SMYD3: variants seen among roughly 807,000 people sequenced by gnomAD.
SMYD3 encodes the protein histone-lysine N-methyltransferase SMYD3.
A neutral mutation model predicts 57.7 loss-of-function variants in SMYD3; 36 were observed. That is an observed-to-expected ratio of 0.62 (90% CI 0.48 to 0.82). The LOEUF (loss-of-function observed/expected upper bound fraction) is 0.82, where lower values mean the gene tolerates loss of function less well. Ranked by LOEUF, SMYD3 falls within the 40% of genes least tolerant of loss-of-function variation. The pLI is 0.00. For missense variants in SMYD3, 515 were observed against 538.8 expected, an observed-to-expected ratio of 0.96 and a Z score of 0.44; for synonymous variants, 211 against 195.0, an observed-to-expected ratio of 1.08 and a Z score of -0.68.
At chr1:245,770,150 G>T (rs1175932660) in intron 10 of SMYD3, among the ~76,000 whole-genome samples, 3 of 152,244 alleles carry the variant, frequency 2.0e-5, no homozygotes. Context: ...GTATTTTTAA[G>T]AATCTGTTTG....
chr1:246,254,912 T>C (rs2063857126), intron 5 of SMYD3, among the ~76,000 whole-genome samples: 1 of 152,194 alleles, frequency 6.6e-6, no homozygotes, highest in Non-Finnish European at 1.5e-5. Flanking sequence ...ACTGGATTCA[T>C]TATTTGGCTC....
chr1:246,152,430 A>T (rs993904283), intron 5 of SMYD3, among the ~76,000 whole-genome samples: 18 of 152,250 alleles, frequency 1.2e-4, no homozygotes, highest in Admixed American at 9.2e-4. Context: ...CTGAGCAATT[A>T]TAAGTTGGTA....
intron 5 of SMYD3, among the ~76,000 whole-genome samples, chr1:245,956,876 G>A (rs566566573): frequency 6.6e-6 from 1 of 152,310 alleles, no homozygotes; most frequent in South Asian, 2.1e-4. Flanking sequence ...CCCATCTTAA[G>A]GCAGTTGATC....
chr1:245,774,494 T>C (rs549930051), intron 10 of SMYD3, among the ~76,000 whole-genome samples: 1 of 152,172 alleles, frequency 6.6e-6, no homozygotes, highest in East Asian at 1.9e-4. Context: ...AAGAATAAGA[T>C]TGAAGAGCTG....
chr1:246,485,947 A>G (rs2068181473), intron 1 of SMYD3, among the ~76,000 whole-genome samples: 1 of 152,238 alleles, frequency 6.6e-6, no homozygotes, highest in Non-Finnish European at 1.5e-5. Context: ...TTGCAAGACT[A>G]AATGAGATAA....
At chr1:246,215,728 A>T (rs2063154093) in intron 5 of SMYD3, among the ~76,000 whole-genome samples, 2 of 152,050 alleles carry the variant, frequency 1.3e-5, no homozygotes, top group African/African-American at 4.8e-5. Flanking sequence ...AAATGTCCAA[A>T]CTGCTTCTGT....
intron 11 of SMYD3, among the ~76,000 whole-genome samples, chr1:245,752,531 C>T (rs1427881277): frequency 6.6e-6 from 1 of 152,260 alleles, no homozygotes; most frequent in Admixed American, 6.5e-5. Flanking sequence ...TTTGAACATA[C>T]TACAGGCTCC....
chr1:246,433,767 A>G (rs1478529253), intron 1 of SMYD3, among the ~76,000 whole-genome samples: 1 of 152,230 alleles, frequency 6.6e-6, no homozygotes, highest in Non-Finnish European at 1.5e-5. Flanking sequence ...GAATTAGAAA[A>G]AATTATTCTA....
intron 8 of SMYD3, among the ~76,000 whole-genome samples, chr1:245,889,458 A>C (rs2053260639): frequency 6.6e-6 from 1 of 152,164 alleles, no homozygotes; most frequent in African/African-American, 2.4e-5. Flanking sequence ...CCAACCCTGC[A>C]GCCCTGAAGT....
chr1:245,822,757 G>C (rs2049244545), intron 10 of SMYD3, among the ~76,000 whole-genome samples: 1 of 151,926 alleles, frequency 6.6e-6, no homozygotes, highest in Non-Finnish European at 1.5e-5. Flanking sequence ...CCTTTCACTG[G>C]GCCCACTTTG....
At chr1:246,388,238 G>A (rs186928513) in intron 1 of SMYD3, among the ~76,000 whole-genome samples, 1 of 34,866 alleles carries the variant, frequency 2.9e-5, no homozygotes, top group African/African-American at 1.3e-4. Flanking sequence ...AAATCACCTC[G>A]AGGTTGAAGT....
At chr1:246,108,276 G>A (rs2061166501) in intron 5 of SMYD3, among the ~76,000 whole-genome samples, 1 of 152,182 alleles carries the variant, frequency 6.6e-6, no homozygotes, top group Non-Finnish European at 1.5e-5. Flanking sequence ...ACCTCAAGAA[G>A]TTTATAGTTC....
chr1:246,386,045 C>T (rs1015937206), intron 1 of SMYD3, among the ~76,000 whole-genome samples: 5 of 152,210 alleles, frequency 3.3e-5, no homozygotes, highest in Middle Eastern at 3.4e-3. Context: ...CCTGCCACCA[C>T]GCCCAGCTAA....
intron 10 of SMYD3, among the ~76,000 whole-genome samples, chr1:245,766,439 G>A (rs72766616): frequency 0.018 from 2,671 of 149,636 alleles, 33 homozygotes; most frequent in Middle Eastern, 0.039. Flanking sequence ...AAAAGGGAGC[G>A]GAAGGGGGAA....
At chr1:246,384,959 G>A (rs991517442) in intron 1 of SMYD3, among the ~76,000 whole-genome samples, 7 of 151,942 alleles carry the variant, frequency 4.6e-5, no homozygotes, top group South Asian at 4.2e-4. Context: ...TAGGACTTAC[G>A]CAGTGATAAA....
At position 245,899,872 on chromosome 1, in the gene SMYD3, G is replaced by C. The variant is rs568788457; in HGVS notation, c.813+15658C>G. 6.6e-5 allele frequency among the ~76,000 whole-genome samples: 10 copies of C among 152,300 alleles called. No homozygotes were observed. The South Asian group carries it at 1.0e-3, about 16-fold the overall frequency. ...GAATTCCTCCTGGCTTACTGCTTGAGTTGGACTGATCAGTTCTTCTTGGAA... is the reference window on the plus strand; with the variant it reads ...GAATTCCTCCTGGCTTACTGCTTGACTTGGACTGATCAGTTCTTCTTGGAA... On this transcript the variant is annotated intron_variant, in intron 8 of 11. Coordinates refer to ENST00000490107, the MANE Select transcript of SMYD3 (RefSeq NM_001167740.2).
At chr1:245,907,878 C>G (rs898786283) in intron 8 of SMYD3, among the ~76,000 whole-genome samples, 1 of 152,196 alleles carries the variant, frequency 6.6e-6, no homozygotes, top group Non-Finnish European at 1.5e-5. Context: ...TGGCTCACGC[C>G]TGTAATCCCA....
intron 5 of SMYD3, among the ~76,000 whole-genome samples, chr1:246,091,117 CAA>C (rs2060816359): frequency 6.6e-6 from 1 of 152,280 alleles, no homozygotes; most frequent in South Asian, 2.1e-4. Flanking sequence ...GGCTGCTGTT[CAA>C]AGACTGGGAT....
intron 5 of SMYD3, among the ~76,000 whole-genome samples, chr1:246,154,038 G>A (rs573818018): frequency 1.3e-5 from 2 of 152,224 alleles, no homozygotes; most frequent in South Asian, 4.1e-4. Context: ...CCATACATGA[G>A]TCACTCCCTC....
Sources: gnomAD v4.1 joint callset for allele counts (sites outside exome capture counted in the v4.1 genomes callset) on GRCh38, gnomAD v4.1.1 for gene constraint, MANE v1.5 for transcripts, NCBI Gene and HGNC (gene_info 2026-07-23, HGNC 2026-07-21) for gene names.